Variants in PGGT1B observed in about 807,000 individuals in gnomAD.
PGGT1B encodes the protein geranylgeranyl transferase type-1 subunit beta.
PGGT1B carries 30 observed loss-of-function variants against 46.1 expected under a neutral mutation model. The ratio of observed to expected loss-of-function variants is 0.65; its 90% CI spans 0.49 to 0.88. The LOEUF is 0.88. Among genes scored for constraint, PGGT1B ranks in the 40% least tolerant of loss-of-function variants. The pLI is 0.00. For missense variants in PGGT1B, 376 were observed against 455.9 expected, an observed-to-expected ratio of 0.82 and a Z score of 1.60; for synonymous variants, 170 against 160.0, an observed-to-expected ratio of 1.06 and a Z score of -0.47.
Position 115,214,112 on chromosome 5 carries a change from A to G in PGGT1B, c.953-1529T>C, listed in dbSNP as rs1580740975. On this transcript the variant is annotated intron_variant, in intron 8 of 8. Transcript: ENST00000419445. ...AAAGCAACATTAAGCTTTGTTTTCT[A>G]GAAACTAGGAAACTTTTCTAGGAAA... Among the ~76,000 whole-genome samples the G allele has an allele frequency of 2.0e-5, 3 of 152,332 alleles. No homozygotes were observed. The South Asian group carries it at 6.2e-4, about 32-fold the overall frequency.
intron 5 of PGGT1B, among the ~76,000 whole-genome samples, chr5:115,231,982 T>C (rs1379388906): frequency 6.6e-6 from 1 of 152,090 alleles, no homozygotes. Context: ...GAATTGGTCA[T>C]TGCTCATGTT....
intron 1 of PGGT1B, chr5:115,262,445 A>C (rs1276231069): frequency 1.7e-5 from 8 of 472,230 alleles, no homozygotes; most frequent in African/African-American, 1.4e-4. Context: ...GGGAGCGGGT[A>C]AAAAAGCAGC....
intron 6 of PGGT1B, among the ~76,000 whole-genome samples, chr5:115,229,623 A>G (rs993807549): frequency 6.6e-6 from 1 of 152,140 alleles, no homozygotes; most frequent in African/African-American, 2.4e-5. Context: ...CTTGGAAATA[A>G]TATCAGCTGT....
chr5:115,221,803 A>AT (rs1756597554), intron 7 of PGGT1B, 21 bp downstream of exon 7: 1 of 1,494,356 alleles, frequency 6.7e-7, no homozygotes, highest in Non-Finnish European at 9.1e-7. Flanking sequence ...TAGGTTTCTC[A>AT]TTTTTTATTA....
intron 6 of PGGT1B, among the ~76,000 whole-genome samples, chr5:115,229,923 G>A (rs1756925316): frequency 6.6e-6 from 1 of 152,044 alleles, no homozygotes; most frequent in Non-Finnish European, 1.5e-5. Context: ...ACCCCTTAGA[G>A]ACACATACTC....
intron 3 of PGGT1B, among the ~76,000 whole-genome samples, 180 bp from the exon 4 acceptor site, chr5:115,238,189 T>C (rs1028778889): frequency 6.6e-6 from 1 of 151,992 alleles, no homozygotes; most frequent in African/African-American, 2.4e-5. Context: ...ATGAATATGA[T>C]TGCACAGGCT....
At chr5:115,257,866 G>C (rs1460873911) in intron 1 of PGGT1B, among the ~76,000 whole-genome samples, 2 of 152,192 alleles carry the variant, frequency 1.3e-5, no homozygotes, top group Non-Finnish European at 2.9e-5. Flanking sequence ...AGTGAAGAGA[G>C]AGCCTTAGAT....
Position 115,232,500 on chromosome 5 carries a change from TTTAAA to T in PGGT1B, c.613-1484_613-1480del, listed in dbSNP as rs1347281344. On this transcript the variant is annotated intron_variant, in intron 5 of 8. Coordinates refer to ENST00000419445, the MANE Select transcript of PGGT1B (RefSeq NM_005023.4). ...GCAATATTCACAATATTTCTAATGT[TTTAAA>T]TTATAGTATACCATATACTGATTTT... is the stretch of plus-strand genomic sequence containing the variant. Among the ~76,000 whole-genome samples, 19 of 152,072 alleles carry T rather than the reference TTTAAA, an allele frequency of 1.2e-4. 1 individual carries two copies. The highest frequency in any genetic ancestry group is 4.3e-4 in the African/African-American group (18 of 41,430).
intron 5 of PGGT1B, chr5:115,231,461 T>C (rs1001412696): frequency 2.0e-5 from 3 of 152,220 alleles, no homozygotes; most frequent in Non-Finnish European, 4.4e-5. Context: ...TTGGGTACCA[T>C]TATTTGAATC....
intron 5 of PGGT1B, 24 bp downstream of exon 5, chr5:115,236,366 G>C (rs760301555): frequency 1.3e-6 from 2 of 1,577,472 alleles, no homozygotes; most frequent in Admixed American, 3.7e-5. Context: ...AACCTAAATA[G>C]TCAATTTTAT....
intron 1 of PGGT1B, among the ~76,000 whole-genome samples, chr5:115,254,153 T>G (rs183249518): frequency 6.6e-6 from 1 of 152,180 alleles, no homozygotes; most frequent in East Asian, 1.9e-4. Flanking sequence ...AGTTAAGCCT[T>G]AATGTCCTGA....
At chr5:115,212,814 A>ATCATT (rs1756276560) in intron 8 of PGGT1B, among the ~76,000 whole-genome samples, 3 of 152,180 alleles carry the variant, frequency 2.0e-5, no homozygotes, top group Non-Finnish European at 4.4e-5. Flanking sequence ...TAACAAAGGA[A>ATCATT]AACAGTTTCC....
Position 115,212,583 on chromosome 5 carries a change from T to A in PGGT1B, c.953A>T (p.Asp318Val). Residue 318 changes from aspartate (D) to valine (V), a missense_variant and splice_region_variant, in exon 9 of 9, where the codon GAT (aspartate) becomes GTT (valine). Physicochemically the swap from Asp to Val is radical, Grantham distance 152. This residue lies in a region of PGGT1B where 222 missense variants were observed against 313.6 expected (regional missense o/e 0.71). Transcript: ENST00000419445. ...GATCCCAAAGTATGCATGCAAAGCA[T>A]CTGAAAAGAAGGCATTTAAAACATC... is the stretch of plus-strand genomic sequence containing the variant. ...GFAKWPDSHP[D>V]ALHAYFGICG... The A allele has an allele frequency of 6.3e-7, 1 of 1,598,080 alleles. No homozygotes were observed. Among genetic ancestry groups the A allele is most frequent in the Non-Finnish European group, 8.5e-7 (1 of 1,172,648 alleles).
intron 2 of PGGT1B, among the ~76,000 whole-genome samples, chr5:115,252,451 A>C (rs963684426): frequency 2.6e-5 from 4 of 152,028 alleles, no homozygotes; most frequent in African/African-American, 9.6e-5. Flanking sequence ...CACAAAAAAA[A>C]ACAAGCATGA....
At chr5:115,254,452 G>C (rs1400604485) in intron 1 of PGGT1B, among the ~76,000 whole-genome samples, 2 of 152,028 alleles carry the variant, frequency 1.3e-5, no homozygotes, top group African/African-American at 2.4e-5. Flanking sequence ...AACAAAGTTA[G>C]TGTTAAGCAC....
At chr5:115,250,541 A>G (rs911602685) in intron 2 of PGGT1B, among the ~76,000 whole-genome samples, 1 of 152,222 alleles carries the variant, frequency 6.6e-6, no homozygotes, top group African/African-American at 2.4e-5. Flanking sequence ...AAAAATTGGC[A>G]GTGGGTTTCA....
In PGGT1B at chr5:115,241,731, C is replaced by T. The variant is rs1757351298; in HGVS notation, c.260-125G>A. The stretch of plus-strand genomic sequence containing the variant: ...GTCTCCATTTTCATACTGGCTAATG[C>T]TGAATGCTTACCATGTGCCAGGTCC... On this transcript the variant is annotated intron_variant, in intron 2 of 8. Coordinates refer to ENST00000419445, the MANE Select transcript of PGGT1B (RefSeq NM_005023.4). 5.0e-6 allele frequency: 3 copies of T among 597,352 alleles called. No individual in the cohort carries two copies. In the South Asian group the frequency reaches 8.7e-5, roughly 17 times the overall value. 37.0% of individuals were successfully genotyped at this position (597,352 alleles called of 1,614,324 possible). A position where few individuals can be genotyped will look rare whatever the true frequency, so the allele number is the denominator to read the frequency against.
At position 115,253,179 on chromosome 5, in the gene PGGT1B, T is replaced by C; in HGVS notation, c.217A>G (p.Ile73Val). ...ACCTGCAGGGAATAAATCCACTCTATTATATCATCTTTGTTCACCACATCT... is the reference window on the plus strand; with the variant it reads ...ACCTGCAGGGAATAAATCCACTCTACTATATCATCTTTGTTCACCACATCT... ...SLDVVNKDDI[I>V]EWIYSLQVLP... Residue 73 changes from isoleucine (I) to valine (V), a missense_variant, in exon 2 of 9, where the codon ATA becomes GTA. Around this residue, in one of 2 missense-constraint regions of PGGT1B, gnomAD observed 154 missense variants for 142.3 expected, o/e 1.08. Transcript: ENST00000419445. The C allele has an allele frequency of 6.2e-7, 1 of 1,606,730 alleles. No homozygotes were observed. Among genetic ancestry groups the C allele is most frequent in the Non-Finnish European group, 8.5e-7 (1 of 1,176,742 alleles).
intron 2 of PGGT1B, among the ~76,000 whole-genome samples, chr5:115,251,156 T>C (rs1445618795): frequency 6.6e-6 from 1 of 152,164 alleles, no homozygotes; most frequent in Non-Finnish European, 1.5e-5. Flanking sequence ...CATACATATG[T>C]TCAGCTTTAG....
Sources: allele counts gnomAD v4.1 joint callset (sites outside exome capture counted in the v4.1 genomes callset), GRCh38; gene constraint gnomAD v4.1.1; regional missense constraint gnomAD v4.1.1; transcripts MANE v1.5; gene names NCBI Gene and HGNC (gene_info 2026-07-23, HGNC 2026-07-21).